Variants in NAALADL2 observed in about 807,000 individuals in gnomAD.
NAALADL2 encodes N-acetylated alpha-linked acidic dipeptidase like 2.
A neutral mutation model predicts 87.2 loss-of-function variants in NAALADL2; 76 were observed. That is an observed-to-expected ratio of 0.87 (90% CI 0.72 to 1.05). NAALADL2 has a LOEUF of 1.05. Ranked by LOEUF, NAALADL2 falls within the 50% of genes least tolerant of loss-of-function variation. NAALADL2 has a pLI of 0.00. For synonymous variants in NAALADL2, 354 were observed against 331.0 expected, an observed-to-expected ratio of 1.07 and a Z score of -0.75; for missense variants, 1,089 against 945.8, an observed-to-expected ratio of 1.15 and a Z score of -1.99.
At chr3:174,949,732 A>G (rs933615559) in intron 1 of NAALADL2, among the ~76,000 whole-genome samples, 2 of 152,220 alleles carry the variant, frequency 1.3e-5, no homozygotes, top group African/African-American at 4.8e-5. Flanking sequence ...TCCTTTTAGG[A>G]CATGGCCAAA....
intron 5 of NAALADL2, among the ~76,000 whole-genome samples, chr3:175,428,269 G>C (rs1717159579): frequency 6.6e-6 from 1 of 152,044 alleles, no homozygotes; most frequent in Non-Finnish European, 1.5e-5. Context: ...TAGAAAATGG[G>C]AAGTACTCAA....
chr3:174,876,066 A>G (rs1484607171), intron 1 of NAALADL2, among the ~76,000 whole-genome samples: 1 of 152,302 alleles, frequency 6.6e-6, no homozygotes, highest in Non-Finnish European at 1.5e-5. Flanking sequence ...TATTTCCATC[A>G]TATCTACTAT....
intron 3 of NAALADL2, among the ~76,000 whole-genome samples, chr3:174,800,005 A>G (rs1258945421): frequency 1.3e-5 from 2 of 152,202 alleles, no homozygotes; most frequent in East Asian, 3.9e-4. Context: ...GGTATCTGGC[A>G]GAAGAAATTT....
At chr3:174,590,993 A>G (rs1270758356) in intron 2 of NAALADL2, among the ~76,000 whole-genome samples, 1 of 152,188 alleles carries the variant, frequency 6.6e-6, no homozygotes, top group Non-Finnish European at 1.5e-5. Flanking sequence ...CCCCTTCCTA[A>G]TAATACAACC....
intron 10 of NAALADL2, among the ~76,000 whole-genome samples, chr3:175,579,799 G>A (rs1222159496): frequency 2.0e-5 from 3 of 152,100 alleles, no homozygotes; most frequent in Non-Finnish European, 4.4e-5. Context: ...CATTTCCTCT[G>A]TCACTTAACA....
At chr3:174,472,097 A>G (rs944070732) in intron 1 of NAALADL2, among the ~76,000 whole-genome samples, 3 of 152,292 alleles carry the variant, frequency 2.0e-5, no homozygotes, top group Admixed American at 2.0e-4. Flanking sequence ...TCCTTCTGTC[A>G]TAGTCAGTGA....
chr3:175,627,288 C>A lies in NAALADL2; in HGVS notation c.1801-3C>A. On this transcript the variant is annotated splice_polypyrimidine_tract_variant and splice_region_variant and intron_variant, in intron 10 of 13. Coordinates refer to ENST00000454872, the MANE Select transcript of NAALADL2 (RefSeq NM_207015.3). ...TAAATGTTTCTTTTTTGATTTGCCG[C>A]AGGGTCCAAGTTTTCTCTCCGAGGC... The A allele has an allele frequency of 6.4e-7, 1 of 1,553,278 alleles. No homozygotes were observed. Among genetic ancestry groups the A allele is most frequent in the East Asian group, 2.4e-5 (1 of 42,498 alleles).
At chr3:175,754,937 A>G (rs1747064162) in intron 12 of NAALADL2, among the ~76,000 whole-genome samples, 1 of 152,232 alleles carries the variant, frequency 6.6e-6, no homozygotes, top group African/African-American at 2.4e-5. Context: ...AGTAAAATAT[A>G]AAAACAAGTT....
At chr3:175,523,211 T>A (rs566679290) in intron 9 of NAALADL2, among the ~76,000 whole-genome samples, 1 of 152,340 alleles carries the variant, frequency 6.6e-6, no homozygotes, top group Admixed American at 6.5e-5. Flanking sequence ...TTAGTTGTAA[T>A]AACTGGAGAG....
At chr3:174,641,367 T>C (rs1723170005) in intron 2 of NAALADL2, among the ~76,000 whole-genome samples, 1 of 152,166 alleles carries the variant, frequency 6.6e-6, no homozygotes, top group African/African-American at 2.4e-5. Context: ...GTCCTAGGTT[T>C]GGTGATTTCA....
chr3:174,719,391 A>G (rs928733338), intron 2 of NAALADL2, among the ~76,000 whole-genome samples: 64 of 152,340 alleles, frequency 4.2e-4, no homozygotes, highest in African/African-American at 1.5e-3. Flanking sequence ...GTTTATTACA[A>G]TTGTGATTTT....
chr3:175,387,421 C>T (rs1768531512), intron 5 of NAALADL2, among the ~76,000 whole-genome samples: 1 of 152,016 alleles, frequency 6.6e-6, no homozygotes, highest in Non-Finnish European at 1.5e-5. Context: ...AGGTTAAGTG[C>T]TTGATTACTT....
At chr3:175,655,730 A>AAAAT (rs750122374) in intron 11 of NAALADL2, among the ~76,000 whole-genome samples, 3 of 151,858 alleles carry the variant, frequency 2.0e-5, no homozygotes, top group Non-Finnish European at 4.4e-5. Flanking sequence ...AAAATAAAAT[A>AAAAT]AAAAAACTTA....
intron 2 of NAALADL2, among the ~76,000 whole-genome samples, chr3:175,113,290 T>C (rs1373375197): frequency 6.6e-6 from 1 of 151,478 alleles, no homozygotes; most frequent in African/African-American, 2.4e-5. Flanking sequence ...ATTCATCAAA[T>C]GTATGGTCAG....
intron 2 of NAALADL2, among the ~76,000 whole-genome samples, chr3:174,555,211 A>C (rs1712611669): frequency 6.6e-6 from 1 of 152,236 alleles, no homozygotes; most frequent in South Asian, 2.1e-4. Context: ...ATAAGGAAAC[A>C]CAGAGCAAAA....
intron 11 of NAALADL2, among the ~76,000 whole-genome samples, chr3:175,712,366 C>A (rs1045664285): frequency 6.6e-6 from 1 of 151,918 alleles, no homozygotes; most frequent in Non-Finnish European, 1.5e-5. Flanking sequence ...AAACATTAGA[C>A]GGTAGTCCTT....
chr3:175,396,057 A>G (rs1769737223), intron 5 of NAALADL2, among the ~76,000 whole-genome samples: 1 of 152,194 alleles, frequency 6.6e-6, no homozygotes, highest in Admixed American at 6.5e-5. Context: ...GGTAAATTTT[A>G]TTAGTTGATG....
intron 5 of NAALADL2, among the ~76,000 whole-genome samples, chr3:175,353,140 T>TG: frequency 7.0e-6 from 1 of 142,150 alleles, no homozygotes. Context: ...GTGTGTGTGT[T>TG]TGGCTCTGTA....
At chr3:175,401,602 C>G (rs1172725285) in intron 5 of NAALADL2, among the ~76,000 whole-genome samples, 1 of 152,068 alleles carries the variant, frequency 6.6e-6, no homozygotes, top group East Asian at 1.9e-4. Flanking sequence ...AGGCTACAAA[C>G]CTGTACCTGT....
Sources: allele counts gnomAD v4.1 joint callset (sites outside exome capture counted in the v4.1 genomes callset), GRCh38; gene constraint gnomAD v4.1.1; transcripts MANE v1.5; gene names NCBI Gene and HGNC (gene_info 2026-07-23, HGNC 2026-07-21).